The following MZF1 variants were observed in gnomAD, a reference collection of about 807,000 sequenced individuals.
MZF1 encodes zinc finger and SCAN domain-containing protein 6.
In MZF1, 24 loss-of-function variants were observed where a neutral mutation model predicts 28.6. The observed-to-expected ratio is 0.84, with a 90% confidence interval of 0.61 to 1.18. The LOEUF (loss-of-function observed/expected upper bound fraction) is 1.18. Ranked by LOEUF, MZF1 falls within the 50% of genes most tolerant of loss-of-function variation. MZF1 has a pLI of 0.00. For missense variants in MZF1, 1,166 were observed against 1,026.4 expected (o/e 1.14, Z -1.86); for synonymous variants, 516 against 432.5 (o/e 1.19, Z -2.40).
At chr19:58,570,841 GC>G (rs942059023) in intron 2 of MZF1, 152 bp downstream of exon 2, 1 of 820,386 alleles carries the variant, frequency 1.2e-6, no homozygotes, top group Non-Finnish European at 1.9e-6. Flanking sequence ...GAATCCCTCT[GC>G]CCTGGGCAGC....
At position 58,571,165 on chromosome 19, in the gene MZF1, T is replaced by C. The variant is rs776876384; in HGVS notation, c.225A>G (p.Pro75=). The C allele has an allele frequency of 2.5e-6, 4 of 1,613,936 alleles. No homozygotes were observed. The highest frequency in any genetic ancestry group is 2.2e-5 in the South Asian group (2 of 91,048). ...GCATCTGCTCCTTGGAGCGTACCTC[T>C]GGACGCAGCCACTGGCGACACAGCT... ...LRELCRQWLR[P]EVRSKEQMLE... The change falls in exon 2 of 6, where the codon CCA becomes CCG. Residue 75 remains proline, a synonymous_variant. Transcript: ENST00000215057.
intron 5 of MZF1, among the ~76,000 whole-genome samples, chr19:58,566,197 G>T (rs1015115455): frequency 1.3e-5 from 2 of 150,578 alleles, no homozygotes; most frequent in Admixed American, 6.6e-5. Context: ...CTGTGATCCC[G>T]GCACTTTGGC....
At position 58,562,519 on chromosome 19, in the gene MZF1, C is replaced by A. The variant is rs757866907; in HGVS notation, c.1758G>T (p.Gln586His). The A allele has an allele frequency of 6.2e-7, 1 of 1,609,864 alleles. No individual in the cohort carries two copies. The highest frequency in any genetic ancestry group is 8.5e-7 in the Non-Finnish European group (1 of 1,178,868). Residue 586 changes from glutamine (Q) to histidine (H), a missense_variant, in exon 6 of 6, where the codon CAG (glutamine) becomes CAT (histidine). By Grantham distance (24) the Gln-to-His change is conservative. Transcript: ENST00000215057. ...KAFRQRPTLT[Q>H]HLRVHTGEKP... ...TCTCGCCCGTGTGTACGCGGAGATG[C>A]TGCGTGAGCGTAGGCCGCTGGCGGA...
chr19:58,563,391 A>T lies in MZF1; in HGVS notation c.886T>A (p.Ser296Thr), dbSNP rs750811133. 3 of 1,601,326 alleles carry T rather than the reference A, an allele frequency of 1.9e-6. No individual in the cohort carries two copies. The highest frequency in any genetic ancestry group is 2.6e-6 in the Non-Finnish European group (3 of 1,174,070). Residue 296 changes from serine to threonine, a missense_variant, in exon 6 of 6, where the codon TCC becomes ACC. Coordinates refer to ENST00000215057, the MANE Select transcript of MZF1 (RefSeq NM_198055.2). ...AGLSGQIQSP[S>T]REGGFAHALL... ...GCATGCGCAAAGCCACCTTCGCGGG[A>T]GGGTGATTGGATCTGGCCAGAAAGG... is the stretch of plus-strand genomic sequence containing the variant.
intron 1 of MZF1, chr19:58,572,676 G>T: frequency 8.1e-7 from 1 of 1,241,430 alleles, no homozygotes; most frequent in South Asian, 1.2e-5. Context: ...CTCATCCTGG[G>T]GGCCAAGCCT....
chr19:58,572,806 C>A, intron 1 of MZF1: 3 of 379,112 alleles, frequency 7.9e-6, no homozygotes, highest in South Asian at 6.1e-5. Flanking sequence ...GCGGCAACTT[C>A]CGCTCCAGGG....
Position 58,563,147 on chromosome 19 carries a change from A to T in MZF1, c.1130T>A (p.Ile377Asn). The T allele has an allele frequency of 6.2e-7, 1 of 1,609,424 alleles. No homozygotes were observed. The highest frequency in any genetic ancestry group is 8.5e-7 in the Non-Finnish European group (1 of 1,179,746). Residue 377 changes from isoleucine to asparagine, a missense_variant, in exon 6 of 6, where the codon ATC becomes AAC. Coordinates refer to ENST00000215057, the MANE Select transcript of MZF1 (RefSeq NM_198055.2). ...QRSNLLRHQK[I>N]HTGERPFVCS... ...CACGAATGGTCGCTCACCCGTGTGGATCTTCTGGTGCCTCAGCAGGTTGCT... is the reference window on the plus strand; with the variant it reads ...CACGAATGGTCGCTCACCCGTGTGGTTCTTCTGGTGCCTCAGCAGGTTGCT...
At chr19:58,570,678 G>C in intron 2 of MZF1, 151 bp from the exon 3 acceptor site, 2 of 844,016 alleles carry the variant, frequency 2.4e-6, no homozygotes, top group South Asian at 3.6e-5. Flanking sequence ...ACCTCCCCTA[G>C]GCCCTGAGCA....
chr19:58,571,017 C>G lies in MZF1; in HGVS notation c.373G>C (p.Glu125Gln), dbSNP rs1428441111. The change falls in exon 2 of 6, where the codon GAG becomes CAG. Residue 125 changes from glutamate (E) to glutamine (Q), a missense_variant. By Grantham distance (29) the Glu-to-Gln change is conservative (BLOSUM62 2). Coordinates refer to ENST00000215057, the MANE Select transcript of MZF1 (RefSeq NM_198055.2). ...ACCCATCTCCGGGGTCCGCCCGGCT[C>G]CCGGCGCAGCCCATCTACTAGGGCA... ...AAALVDGLRR[E>Q]PGGPRRWVTV... 3.7e-6 allele frequency: 6 copies of G among 1,609,664 alleles called. No homozygotes were observed. In the South Asian group the frequency reaches 6.6e-5, roughly 18 times the overall value.
At chr19:58,563,722 T>A in intron 5 of MZF1, 1 of 481,918 alleles carries the variant, frequency 2.1e-6, no homozygotes, top group South Asian at 4.0e-5. Flanking sequence ...CTGGGCTATG[T>A]GAAAAAGCTT....
rs1600099960 is a variant in MZF1, at chr19:58,564,898, G to GTTTT, written c.773-1395_773-1394insAAAA. Among the ~76,000 whole-genome samples the GTTTT allele has an allele frequency of 5.1e-4, 47 of 91,950 alleles. 8 individuals are homozygous for GTTTT. The highest frequency in any genetic ancestry group is 2.2e-3 in the African/African-American group (42 of 18,950). The allele number at this position is 91,950 out of a possible 152,430, so 60.3% of individuals were successfully genotyped here. A position where few individuals can be genotyped will look rare whatever the true frequency, so the allele number is the denominator to read the frequency against. On this transcript the variant is annotated intron_variant, in intron 5 of 5. Coordinates refer to ENST00000215057, the MANE Select transcript of MZF1 (RefSeq NM_198055.2). The stretch of plus-strand genomic sequence containing the variant: ...CAGGGTGGAGAATAAGCATCCATGT[G>GTTTT]TGTGTTTTTTTTTTTTTTTTTTTTT...
At chr19:58,565,590 T>G (rs2054034000) in intron 5 of MZF1, among the ~76,000 whole-genome samples, 1 of 151,716 alleles carries the variant, frequency 6.6e-6, no homozygotes, top group African/African-American at 2.4e-5. Context: ...TGGAGTGTAG[T>G]GGCGCCATCT....
chr19:58,563,228 C>T lies in MZF1; in HGVS notation c.1049G>A (p.Gly350Asp), dbSNP rs2053970775. ...GRSRGRPSTG[G>D]GVVRGGRCDV... ...GCAACGGCCGCCCCTAACCACCCCG[C>T]CCCCAGTGCTGGGGCGGCCCCGGCT... Residue 350 changes from glycine to aspartate, a missense_variant, in exon 6 of 6, where the codon GGC becomes GAC. By Grantham distance (94) the Gly-to-Asp change is moderately conservative. Transcript: ENST00000215057. The T allele has an allele frequency of 6.2e-7, 1 of 1,610,332 alleles. No homozygotes were observed.
chr19:58,563,470 A>G lies in MZF1; in HGVS notation c.807T>C (p.Gly269=). Residue 269 remains glycine (G), a synonymous_variant, in exon 6 of 6, where the codon GGT becomes GGC. Transcript: ENST00000215057. ...FALQLGSISA[G]PGSVSPHLHV... ...GGAGGTGAGGGCTTACACTACCTGG[A>G]CCTGCGGAGATGCTGCCTAGCTGCA... The G allele has an allele frequency of 6.4e-7, 1 of 1,565,450 alleles. No homozygotes were observed. The highest frequency in any genetic ancestry group is 8.7e-7 in the Non-Finnish European group (1 of 1,153,566).
chr19:58,571,033 T>A lies in MZF1; in HGVS notation c.357A>T (p.Val119=), dbSNP rs1218889296. The change falls in exon 2 of 6, where the codon GTA becomes GTT. Residue 119 remains valine, a synonymous_variant. Coordinates refer to ENST00000215057, the MANE Select transcript of MZF1 (RefSeq NM_198055.2). ...CGCCCGGCTCCCGGCGCAGCCCATC[T>A]ACTAGGGCAGCAGCCTCCTCGGGGC... The part of the protein sequence containing the change: ...PGSPEEAAAL[V]DGLRREPGGP... 4 of 1,612,548 alleles carry A rather than the reference T, an allele frequency of 2.5e-6. No individual in the cohort carries two copies. Among genetic ancestry groups the A allele is most frequent in the Non-Finnish European group, 3.4e-6 (4 of 1,179,406 alleles).
Position 58,570,499 on chromosome 19 carries a change from A to C in MZF1, c.425T>G (p.Val142Gly). Reference protein sequence around the residue: ...WVTVQVQGQEVLSEKMEPSSF... With the variant: ...WVTVQVQGQEGLSEKMEPSSF... The stretch of plus-strand genomic sequence containing the variant: ...GGAGGGCTCCATCTTCTCTGATAGG[A>C]CCTCCTGGCCCTGCACCTGGACTGT... The change falls in exon 3 of 6, where the codon GTC (valine) becomes GGC (glycine). Residue 142 changes from valine (V) to glycine (G), a missense_variant. Transcript: ENST00000215057. The C allele has an allele frequency of 6.2e-7, 1 of 1,613,216 alleles. No homozygotes were observed. The highest frequency in any genetic ancestry group is 8.5e-7 in the Non-Finnish European group (1 of 1,179,616).
chr19:58,572,508 T>C, intron 1 of MZF1: 1 of 1,265,282 alleles, frequency 7.9e-7, no homozygotes, highest in Non-Finnish European at 1.0e-6. Flanking sequence ...CAGATCACTG[T>C]GCCTTCGAGA....
At position 58,563,380 on chromosome 19, in the gene MZF1, A is replaced by T. The variant is rs1195765724; in HGVS notation, c.897T>A (p.Gly299=). Reference sequence around the variant, plus strand: ...GGAGCAGAAGCGCATGCGCAAAGCCACCTTCGCGGGAGGGTGATTGGATCT... The same window carrying T: ...GGAGCAGAAGCGCATGCGCAAAGCCTCCTTCGCGGGAGGGTGATTGGATCT... ...SGQIQSPSRE[G]GFAHALLLPS... is the part of the protein sequence containing the mutation. Residue 299 remains glycine (G), a synonymous_variant, in exon 6 of 6, where the codon GGT becomes GGA. Coordinates refer to ENST00000215057, the MANE Select transcript of MZF1 (RefSeq NM_198055.2). 1 of 1,604,078 alleles carries T rather than the reference A, an allele frequency of 6.2e-7. No individual in the cohort carries two copies. The highest frequency in any genetic ancestry group is 1.7e-5 in the Admixed American group (1 of 58,576).
At chr19:58,570,321 G>T in intron 3 of MZF1, 23 bp downstream of exon 3, 1 of 1,582,368 alleles carries the variant, frequency 6.3e-7, no homozygotes, top group Non-Finnish European at 8.6e-7. Flanking sequence ...GACCTTAGGC[G>T]CGCCCACCGT....
Sources: gnomAD v4.1 joint callset for allele counts (sites outside exome capture counted in the v4.1 genomes callset) on GRCh38, gnomAD v4.1.1 for gene constraint, MANE v1.5 for transcripts, NCBI Gene and HGNC (gene_info 2026-07-23, HGNC 2026-07-21) for gene names.